Variants in FOCAD observed in about 807,000 individuals in gnomAD.
FOCAD encodes focadhesin.
In FOCAD, 198 loss-of-function variants were observed where a neutral mutation model predicts 225.6. The observed-to-expected ratio is 0.88, with a 90% CI of 0.78 to 0.99. The LOEUF is 0.99. Among genes scored for constraint, FOCAD ranks in the 50% least tolerant of loss-of-function variants. The pLI, the probability that FOCAD is intolerant of heterozygous loss-of-function variation, is 0.00. For missense variants in FOCAD, 2,713 were observed against 2,123.6 expected (o/e 1.28, Z -5.46); for synonymous variants, 897 against 755.0 (o/e 1.19, Z -3.08).
chr9:20,766,023 C>T (rs944557117), intron 7 of FOCAD, among the ~76,000 whole-genome samples: 3 of 152,178 alleles, frequency 2.0e-5, no homozygotes, highest in African/African-American at 7.2e-5. Flanking sequence ...ATGAATTCTC[C>T]TGTGGCTTTT....
At chr9:20,883,123 T>C (rs1233172505) in intron 20 of FOCAD, among the ~76,000 whole-genome samples, 2 of 152,172 alleles carry the variant, frequency 1.3e-5, no homozygotes, top group East Asian at 1.9e-4. Context: ...GGTTCTTTCA[T>C]ATACTGCACT....
At chr9:20,673,922 A>G (rs943348315) in intron 2 of FOCAD, among the ~76,000 whole-genome samples, 1 of 152,234 alleles carries the variant, frequency 6.6e-6, no homozygotes, top group African/African-American at 2.4e-5. Flanking sequence ...ATCAAGTTGT[A>G]AAAGTTTTTC....
Position 20,865,184 on chromosome 9 carries a change from G to T in FOCAD, c.2056-742G>T, listed in dbSNP as rs929852158. On this transcript the variant is annotated intron_variant, in intron 16 of 43. Transcript: ENST00000338382. ...TGAGCACAGTTAATTAAAGGGCAATGAGAGTGTGGTAGAGAAAATGACAAA... is the reference window on the plus strand; with the variant it reads ...TGAGCACAGTTAATTAAAGGGCAATTAGAGTGTGGTAGAGAAAATGACAAA... Among the ~76,000 whole-genome samples, 7 of 152,200 alleles carry T rather than the reference G, an allele frequency of 4.6e-5. No individual in the cohort carries two copies. The South Asian group carries it at 8.3e-4, about 18-fold the overall frequency.
At chr9:20,852,760 C>G (rs900394678) in intron 15 of FOCAD, among the ~76,000 whole-genome samples, 1 of 151,694 alleles carries the variant, frequency 6.6e-6, no homozygotes, top group African/African-American at 2.4e-5. Flanking sequence ...CAGTCTCTTT[C>G]TACAGTACAC....
chr9:20,986,419 T>A lies in FOCAD; in HGVS notation c.4860T>A (p.Ile1620=). Residue 1620 remains isoleucine (I), a synonymous_variant, in exon 40 of 44, where the codon ATT becomes ATA. Coordinates refer to ENST00000338382, the MANE Select transcript of FOCAD (RefSeq NM_001375567.1). The part of the protein sequence containing the change: ...HREKEVLAWM[I]LHSLYQARIV... ...AGAAAGAGGTGTTGGCCTGGATGAT[T>A]CTGCACAGCTTATACCAGGCACGGA... 1 of 1,613,418 alleles carries A rather than the reference T, an allele frequency of 6.2e-7. No individual in the cohort carries two copies. Among genetic ancestry groups the A allele is most frequent in the Non-Finnish European group, 8.5e-7 (1 of 1,179,830 alleles).
At chr9:20,882,086 A>C (rs1830717369) in intron 20 of FOCAD, 30 bp downstream of exon 20, 2 of 1,574,790 alleles carry the variant, frequency 1.3e-6, no homozygotes, top group Admixed American at 1.9e-5. Context: ...TCAAAAATAC[A>C]GGTTTTTCAT....
intron 36 of FOCAD, among the ~76,000 whole-genome samples, chr9:20,977,013 C>T (rs1389020772): frequency 6.6e-6 from 1 of 152,130 alleles, no homozygotes; most frequent in Non-Finnish European, 1.5e-5. Context: ...AGCCTAAGAT[C>T]AAGGTATCAG....
chr9:20,798,717 A>G (rs1019355951), intron 11 of FOCAD, among the ~76,000 whole-genome samples: 1 of 151,190 alleles, frequency 6.6e-6, no homozygotes, highest in Non-Finnish European at 1.5e-5. Flanking sequence ...TTTTTATTGC[A>G]TCTATTTGAT....
chr9:20,862,620 C>A lies in FOCAD; in HGVS notation c.1963C>A (p.Leu655Met). The change falls in exon 16 of 44, where the codon CTG becomes ATG. Residue 655 changes from leucine to methionine, a missense_variant. By Grantham distance (15) the Leu-to-Met change is conservative. Coordinates refer to ENST00000338382, the MANE Select transcript of FOCAD (RefSeq NM_001375567.1). ...CACTTGGAATGCTCTCTCTCCAAAG[C>A]TGAGTTGTGACACAAGACCTCTCAT... ...RSTWNALSPK[L>M]SCDTRPLILK... 1 of 1,613,560 alleles carries A rather than the reference C, an allele frequency of 6.2e-7. No individual in the cohort carries two copies. Among genetic ancestry groups the A allele is most frequent in the Non-Finnish European group, 8.5e-7 (1 of 1,179,648 alleles).
At chr9:20,953,694 G>T (rs879275296) in intron 35 of FOCAD, among the ~76,000 whole-genome samples, 3 of 152,108 alleles carry the variant, frequency 2.0e-5, no homozygotes, top group Non-Finnish European at 4.4e-5. Context: ...TAGTTTTCAG[G>T]GCTGTGAGGA....
chr9:20,658,052 G>C (rs771226089), upstream of FOCAD, among the ~76,000 whole-genome samples: 1,080 of 142,232 alleles, frequency 7.6e-3, 14 homozygotes, highest in East Asian at 0.029. Flanking sequence ...AGGTGTCAGT[G>C]TGCCCCTGCT....
chr9:20,707,796 C>G (rs1348318703), intron 1 of FOCAD, among the ~76,000 whole-genome samples: 2 of 152,138 alleles, frequency 1.3e-5, no homozygotes, highest in Middle Eastern at 3.4e-3. Context: ...TAAAAGGGTT[C>G]CAATTATCTT....
chr9:20,894,209 T>C (rs1486902720), intron 21 of FOCAD, among the ~76,000 whole-genome samples: 1 of 152,186 alleles, frequency 6.6e-6, no homozygotes, highest in Non-Finnish European at 1.5e-5. Context: ...GCTTGACAGC[T>C]GACTTCTTTT....
chr9:20,891,712 C>T (rs13290452), intron 21 of FOCAD, among the ~76,000 whole-genome samples: 39,002 of 152,096 alleles, frequency 0.26, 5,219 homozygotes, highest in South Asian at 0.32. Context: ...AAGCGATTTT[C>T]ACAACACCAA....
chr9:20,808,743 C>T (rs1822731571), intron 11 of FOCAD, among the ~76,000 whole-genome samples: 1 of 152,166 alleles, frequency 6.6e-6, no homozygotes, highest in Non-Finnish European at 1.5e-5. Flanking sequence ...TGTCCTCTGT[C>T]TCATTCTTCC....
At chr9:20,705,177 A>C (rs1009668643) in intron 1 of FOCAD, among the ~76,000 whole-genome samples, 2 of 152,202 alleles carry the variant, frequency 1.3e-5, no homozygotes, top group Non-Finnish European at 2.9e-5. Flanking sequence ...AGCCACATAC[A>C]TGGGTTTTAA....
intron 1 of FOCAD, among the ~76,000 whole-genome samples, chr9:20,705,378 T>C (rs951211243): frequency 5.3e-5 from 8 of 152,194 alleles, no homozygotes; most frequent in Non-Finnish European, 1.0e-4. Context: ...CTTTGTACCA[T>C]ATTAATATCT....
At chr9:20,976,294 T>C (rs1210479764) in intron 35 of FOCAD, 126 bp from the exon 36 acceptor site, 7 of 831,064 alleles carry the variant, frequency 8.4e-6, no homozygotes, top group Admixed American at 2.3e-5. Context: ...AATTGAAGCG[T>C]TGATCGCAAT....
chr9:20,674,988 C>G (rs1382259602), intron 2 of FOCAD, among the ~76,000 whole-genome samples: 1 of 152,206 alleles, frequency 6.6e-6, no homozygotes, highest in Non-Finnish European at 1.5e-5. Flanking sequence ...AGCAAGAGAA[C>G]AAATTACTTC....
Sources: allele counts gnomAD v4.1 joint callset (sites outside exome capture counted in the v4.1 genomes callset), GRCh38; gene constraint gnomAD v4.1.1; transcripts MANE v1.5; gene names NCBI Gene and HGNC (gene_info 2026-07-23, HGNC 2026-07-21).